ITGB3BP: variants seen among roughly 807,000 people sequenced by gnomAD.
The protein encoded by ITGB3BP is integrin subunit beta 3 binding protein, also known as centromere protein R.
ITGB3BP carries 27 observed loss-of-function variants against 29.1 expected under a neutral mutation model. That is an observed-to-expected ratio of 0.93 (90% CI 0.68 to 1.28). The LOEUF (loss-of-function observed/expected upper bound fraction) is 1.28. Among genes scored for constraint, ITGB3BP ranks in the 50% most tolerant of loss-of-function variants. The pLI, the probability that ITGB3BP is intolerant of heterozygous loss-of-function variation, is 0.00. For synonymous variants in ITGB3BP, 61 were observed against 61.4 expected, an observed-to-expected ratio of 0.99 and a Z score of 0.03; for missense variants, 192 against 200.2, an observed-to-expected ratio of 0.96 and a Z score of 0.25.
At chr1:63,500,546 T>C (rs1325784419) in intron 2 of ITGB3BP, among the ~76,000 whole-genome samples, 2 of 152,114 alleles carry the variant, frequency 1.3e-5, no homozygotes, top group Non-Finnish European at 2.9e-5. Context: ...ATAAAAAGAA[T>C]AAAATACTTA....
intron 7 of ITGB3BP, among the ~76,000 whole-genome samples, chr1:63,449,990 G>A (rs903594493): frequency 6.6e-6 from 1 of 151,890 alleles, no homozygotes; most frequent in Non-Finnish European, 1.5e-5. Context: ...TGGTTAGAAT[G>A]AAGAGGCAAT....
intron 2 of ITGB3BP, among the ~76,000 whole-genome samples, chr1:63,494,019 T>G (rs1255872677): frequency 6.6e-6 from 1 of 152,200 alleles, no homozygotes; most frequent in African/African-American, 2.4e-5. Context: ...AAGATATAAT[T>G]AATATGCATT....
intron 3 of ITGB3BP, among the ~76,000 whole-genome samples, chr1:63,485,506 T>C (rs940468851): frequency 6.6e-6 from 1 of 152,032 alleles, no homozygotes; most frequent in Non-Finnish European, 1.5e-5. Context: ...CTCCAATTGT[T>C]TGACTTTTGC....
chr1:63,489,407 T>C (rs1247797113), intron 3 of ITGB3BP, among the ~76,000 whole-genome samples: 1 of 125,240 alleles, frequency 8.0e-6, no homozygotes, highest in African/African-American at 2.9e-5. Context: ...ATAACCTTTC[T>C]CAAAAAAAAA....
chr1:63,477,734 G>GT (rs1645366466), intron 4 of ITGB3BP, among the ~76,000 whole-genome samples: 1 of 150,768 alleles, frequency 6.6e-6, no homozygotes. Flanking sequence ...AAAAAAAAAA[G>GT]ATCATAAGCT....
At chr1:63,515,417 C>T (rs1283171974) in intron 1 of ITGB3BP, among the ~76,000 whole-genome samples, 2 of 152,210 alleles carry the variant, frequency 1.3e-5, no homozygotes, top group Non-Finnish European at 1.5e-5. Context: ...CATACTCCAA[C>T]TTCATTCTTT....
chr1:63,487,358 G>C (rs919261943), intron 3 of ITGB3BP, among the ~76,000 whole-genome samples: 1 of 152,048 alleles, frequency 6.6e-6, no homozygotes, highest in Non-Finnish European at 1.5e-5. Flanking sequence ...CTATGGGTTG[G>C]AGGAGGGCAG....
intron 4 of ITGB3BP, chr1:63,458,133 A>C (rs758224685): frequency 5.3e-5 from 8 of 152,152 alleles, no homozygotes; most frequent in Admixed American, 3.9e-4. Flanking sequence ...AGCCAAATAA[A>C]ATCCATGAGA....
chr1:63,472,367 A>AG (rs201546840), intron 4 of ITGB3BP, among the ~76,000 whole-genome samples: 48,302 of 145,262 alleles, frequency 0.33, 8,457 homozygotes, highest in East Asian at 0.48. Context: ...ATTTTTGCAA[A>AG]AAAAAAAAAA....
chr1:63,440,869 G>A lies in ITGB3BP; in HGVS notation c.*236C>T, dbSNP rs1369207130. On this transcript the variant is annotated 3_prime_UTR_variant, in exon 9 of 9. Coordinates refer to ENST00000271002, the MANE Select transcript of ITGB3BP (RefSeq NM_014288.5). ...TATAAGTCAAGATCTTCCTCTCCAT[G>A]TTGGCTTACATTAAAGAGCCAAGAA... The A allele has an allele frequency of 6.6e-6, 1 of 152,602 alleles. No individual in the cohort carries two copies. The highest frequency in any genetic ancestry group is 2.4e-5 in the African/African-American group (1 of 41,442). 9.5% of individuals were successfully genotyped at this position (152,602 alleles called of 1,614,324 possible).
At chr1:63,470,129 T>C (rs542834111) in intron 4 of ITGB3BP, among the ~76,000 whole-genome samples, 1 of 152,348 alleles carries the variant, frequency 6.6e-6, no homozygotes, top group East Asian at 1.9e-4. Context: ...GAAACAATGC[T>C]AATGACTGGA....
chr1:63,469,430 A>T (rs1381480463), intron 4 of ITGB3BP, among the ~76,000 whole-genome samples: 1 of 151,780 alleles, frequency 6.6e-6, no homozygotes, highest in Non-Finnish European at 1.5e-5. Context: ...GGGTTCAAGC[A>T]ATTCTCCTGC....
At chr1:63,522,883 G>GC in intron 1 of ITGB3BP, 1 of 679,432 alleles carries the variant, frequency 1.5e-6, no homozygotes. Flanking sequence ...CCTAAATACA[G>GC]CCCACAGTTT....
chr1:63,523,393 C>T (rs1646509506), upstream of ITGB3BP: 1 of 560,888 alleles, frequency 1.8e-6, no homozygotes, highest in South Asian at 2.0e-5. Context: ...TCTCACTACT[C>T]TGGCCATACC....
chr1:63,499,324 T>C (rs1160313789), intron 2 of ITGB3BP, among the ~76,000 whole-genome samples: 1 of 151,932 alleles, frequency 6.6e-6, no homozygotes, highest in Admixed American at 6.6e-5. Context: ...TAATTTTGTA[T>C]TTTTTAGTAG....
At chr1:63,470,560 C>T (rs959302066) in intron 4 of ITGB3BP, among the ~76,000 whole-genome samples, 1 of 152,170 alleles carries the variant, frequency 6.6e-6, no homozygotes, top group Non-Finnish European at 1.5e-5. Context: ...CCACATCCAA[C>T]ATTATGTTTG....
intron 3 of ITGB3BP, among the ~76,000 whole-genome samples, chr1:63,482,701 C>T (rs967346480): frequency 4.0e-5 from 6 of 150,486 alleles, no homozygotes; most frequent in South Asian, 2.1e-4. Context: ...CAGCCCAGCC[C>T]GGAAAGCAGT....
chr1:63,446,264 A>G (rs761409039), intron 8 of ITGB3BP, among the ~76,000 whole-genome samples: 1 of 152,158 alleles, frequency 6.6e-6, no homozygotes, highest in Non-Finnish European at 1.5e-5. Flanking sequence ...CATGACTCAT[A>G]TTGCTTTTGG....
At chr1:63,527,609 T>A (rs185968752), upstream of ITGB3BP, among the ~76,000 whole-genome samples, 71 of 152,324 alleles carry the variant, frequency 4.7e-4, 1 homozygote, top group African/African-American at 1.6e-3. Context: ...TATCTACAGC[T>A]ACGTGATATT....
Sources: gnomAD v4.1 joint callset for allele counts (sites outside exome capture counted in the v4.1 genomes callset) on GRCh38, gnomAD v4.1.1 for gene constraint, MANE v1.5 for transcripts, NCBI Gene and HGNC (gene_info 2026-07-23, HGNC 2026-07-21) for gene names.